NAALADL2: variants seen among roughly 807,000 people sequenced by gnomAD.
The protein encoded by NAALADL2 is inactive N-acetylated-alpha-linked acidic dipeptidase-like protein 2.
In NAALADL2, 76 loss-of-function variants were observed where a neutral mutation model predicts 87.2. The observed-to-expected ratio is 0.87, with a 90% CI of 0.72 to 1.05. NAALADL2 has a LOEUF of 1.05. Ranked by LOEUF, NAALADL2 falls within the 50% of genes least tolerant of loss-of-function variation. The pLI, the probability that NAALADL2 is intolerant of heterozygous loss-of-function variation, is 0.00. For synonymous variants in NAALADL2, 354 were observed against 331.0 expected (o/e 1.07, Z -0.75); for missense variants, 1,089 against 945.8 (o/e 1.15, Z -1.99).
chr3:174,557,590 T>C (rs574931682), intron 2 of NAALADL2, among the ~76,000 whole-genome samples: 1 of 152,352 alleles, frequency 6.6e-6, no homozygotes, highest in South Asian at 2.1e-4. Context: ...CTAGTTTTTC[T>C]TGTTTGTTAA....
intron 1 of NAALADL2, among the ~76,000 whole-genome samples, chr3:175,052,310 T>C (rs926376532): frequency 6.6e-6 from 1 of 152,230 alleles, no homozygotes; most frequent in Non-Finnish European, 1.5e-5. Context: ...ATGGCCATCA[T>C]GAACATGTCA....
At chr3:174,621,459 G>T (rs1377373618) in intron 2 of NAALADL2, among the ~76,000 whole-genome samples, 1 of 151,974 alleles carries the variant, frequency 6.6e-6, no homozygotes, top group Non-Finnish European at 1.5e-5. Context: ...AGGACTAAAG[G>T]ATGAGAAAAT....
intron 9 of NAALADL2, among the ~76,000 whole-genome samples, chr3:175,478,474 C>T (rs1582058885): frequency 6.6e-6 from 1 of 151,788 alleles, no homozygotes; most frequent in Non-Finnish European, 1.5e-5. Flanking sequence ...ATGTAAATCC[C>T]TTTTTATTTA....
chr3:175,099,025 T>C (rs917635023), intron 2 of NAALADL2, among the ~76,000 whole-genome samples: 3 of 152,204 alleles, frequency 2.0e-5, no homozygotes, highest in African/African-American at 7.2e-5. Context: ...TGTAAGTTTA[T>C]AGGAACTTCA....
intron 4 of NAALADL2, among the ~76,000 whole-genome samples, chr3:175,311,997 A>G (rs1758432861): frequency 6.6e-6 from 1 of 152,186 alleles, no homozygotes; most frequent in East Asian, 1.9e-4. Context: ...CAGTCTGATT[A>G]CAGTGAATTT....
intron 5 of NAALADL2, among the ~76,000 whole-genome samples, chr3:175,387,472 C>T (rs1010650114): frequency 5.3e-5 from 8 of 152,046 alleles, no homozygotes; most frequent in Admixed American, 4.6e-4. Context: ...ACTTCTCTAG[C>T]AACCTCCAAA....
intron 1 of NAALADL2, among the ~76,000 whole-genome samples, chr3:174,467,174 T>C (rs191324139): frequency 6.6e-6 from 1 of 152,336 alleles, no homozygotes; most frequent in Admixed American, 6.5e-5. Flanking sequence ...AGTTTATTAA[T>C]AGTTATGAAA....
chr3:175,454,478 T>C (rs937703466), intron 6 of NAALADL2, among the ~76,000 whole-genome samples: 3 of 152,008 alleles, frequency 2.0e-5, no homozygotes, highest in Non-Finnish European at 4.4e-5. Flanking sequence ...AGGAAGAATC[T>C]TTTTTTAGAA....
chr3:174,894,446 T>A (rs1471051941), intron 1 of NAALADL2, among the ~76,000 whole-genome samples: 1 of 150,956 alleles, frequency 6.6e-6, no homozygotes, highest in African/African-American at 2.4e-5. Context: ...CAAAAAAAAT[T>A]AACTGGGCGT....
chr3:174,605,382 G>A (rs1282754324), intron 2 of NAALADL2, among the ~76,000 whole-genome samples: 1 of 152,222 alleles, frequency 6.6e-6, no homozygotes, highest in African/African-American at 2.4e-5. Flanking sequence ...CACTCGGGAA[G>A]CACAAGGGGT....
At chr3:175,662,705 G>T (rs372005575) in intron 11 of NAALADL2, among the ~76,000 whole-genome samples, 58 of 151,996 alleles carry the variant, frequency 3.8e-4, no homozygotes, top group African/African-American at 7.7e-4. Flanking sequence ...ATTGTGAAAT[G>T]ATGTTGAATT....
intron 2 of NAALADL2, among the ~76,000 whole-genome samples, chr3:175,152,568 G>A (rs1328386739): frequency 1.3e-5 from 2 of 152,062 alleles, no homozygotes; most frequent in African/African-American, 4.8e-5. Flanking sequence ...GTAGTGGTGG[G>A]GAAATATAAT....
intron 5 of NAALADL2, among the ~76,000 whole-genome samples, chr3:175,333,029 G>A (rs1761574259): frequency 6.6e-6 from 1 of 152,048 alleles, no homozygotes; most frequent in African/African-American, 2.4e-5. Flanking sequence ...TCAATTCTTG[G>A]GTTTTCAGGC....
chr3:175,200,285 T>G (rs1739832528), intron 2 of NAALADL2, among the ~76,000 whole-genome samples: 1 of 152,110 alleles, frequency 6.6e-6, no homozygotes, highest in African/African-American at 2.4e-5. Flanking sequence ...CTAACTCAAT[T>G]TAGAACCATG....
intron 13 of NAALADL2, among the ~76,000 whole-genome samples, chr3:175,796,078 A>G (rs1421967504): frequency 1.6e-5 from 2 of 122,976 alleles, no homozygotes; most frequent in Admixed American, 1.8e-4. Context: ...AGGGAGGGAG[A>G]AGGAGAGAGA....
chr3:175,232,193 G>A (rs1745047220), intron 2 of NAALADL2, among the ~76,000 whole-genome samples: 1 of 96,388 alleles, frequency 1.0e-5, no homozygotes. Flanking sequence ...AGAGGAAGAG[G>A]AAGAAGAAGA....
intron 1 of NAALADL2, among the ~76,000 whole-genome samples, chr3:174,872,856 A>T (rs16865407): frequency 0.12 from 17,781 of 152,114 alleles, 1,150 homozygotes; most frequent in Middle Eastern, 0.15. Context: ...TAATACTGTG[A>T]TGCCTTGTTT....
At chr3:175,127,273 A>T (rs1249488291) in intron 2 of NAALADL2, among the ~76,000 whole-genome samples, 1 of 152,150 alleles carries the variant, frequency 6.6e-6, no homozygotes, top group Non-Finnish European at 1.5e-5. Flanking sequence ...TAGGTCATAG[A>T]TTATATCCCA....
At chr3:175,157,099 A>G (rs1394714310) in intron 2 of NAALADL2, among the ~76,000 whole-genome samples, 1 of 148,810 alleles carries the variant, frequency 6.7e-6, no homozygotes, top group Admixed American at 6.7e-5. Context: ...AATTTTTAGT[A>G]TGTACTTAGT....
Sources: allele counts gnomAD v4.1 joint callset (sites outside exome capture counted in the v4.1 genomes callset), GRCh38; gene constraint gnomAD v4.1.1; transcripts MANE v1.5; gene names NCBI Gene and HGNC (gene_info 2026-07-23, HGNC 2026-07-21).